Variants in STARD13 observed in about 807,000 individuals in gnomAD.
STARD13 encodes the protein StAR related lipid transfer domain containing 13.
Under a neutral mutation model 106.4 loss-of-function variants are expected in STARD13, and 62 were observed. The ratio of observed to expected loss-of-function variants is 0.58; its 90% CI spans 0.48 to 0.72. The LOEUF (loss-of-function observed/expected upper bound fraction) is 0.72. Ranked by LOEUF, STARD13 falls within the 30% of genes least tolerant of loss-of-function variation. The pLI, the probability that STARD13 is intolerant of heterozygous loss-of-function variation, is 0.00. For missense variants in STARD13, 1,387 were observed against 1,424.0 expected, an observed-to-expected ratio of 0.97 and a Z score of 0.42; for synonymous variants, 565 against 553.0, an observed-to-expected ratio of 1.02 and a Z score of -0.31.
chr13:33,355,279 C>T (rs1023904436), upstream of STARD13: 16 of 152,236 alleles, frequency 1.1e-4, no homozygotes, highest in African/African-American at 3.9e-4. Context: ...AATTCCATTA[C>T]ATTTTTATCC....
chr13:33,596,682 C>T, the STARD13 span, among the ~76,000 whole-genome samples: 1 of 152,172 alleles, frequency 6.6e-6, no homozygotes, highest in Non-Finnish European at 1.5e-5. Flanking sequence ...TAACCAACCT[C>T]TCTTCATTCC....
intron 1 of STARD13, among the ~76,000 whole-genome samples, chr13:33,322,310 GC>G (rs977907907): frequency 2.0e-5 from 3 of 152,156 alleles, no homozygotes; most frequent in South Asian, 2.1e-4. Context: ...ACTAACATGA[GC>G]CTTCCAAACA....
In STARD13 at chr13:33,113,720, A is replaced by C. The variant is rs1184555578; in HGVS notation, c.2282-789T>G. On this transcript the variant is annotated intron_variant, in intron 8 of 13. Transcript: ENST00000336934. ...GGGATGTCTGGCCCTTCTCAGTGCC[A>C]TTACCCTTGAGGGTGGTCCTTGTGG... Among the ~76,000 whole-genome samples the C allele has an allele frequency of 3.3e-5, 5 of 152,148 alleles. No homozygotes were observed. The South Asian group carries it at 1.0e-3, about 32-fold the overall frequency.
chr13:33,508,894 G>A, the STARD13 span, among the ~76,000 whole-genome samples: 1 of 152,114 alleles, frequency 6.6e-6, no homozygotes, highest in Non-Finnish European at 1.5e-5. Context: ...ATAGCCTATT[G>A]CTCCTAGGCT....
the STARD13 span, among the ~76,000 whole-genome samples, chr13:33,542,794 C>G: frequency 6.6e-6 from 1 of 152,248 alleles, no homozygotes; most frequent in Non-Finnish European, 1.5e-5. Context: ...CCCGTCTCCC[C>G]AGCGGCCCAG....
intron 1 of STARD13, among the ~76,000 whole-genome samples, chr13:33,208,165 C>T (rs1887522225): frequency 1.3e-5 from 2 of 152,162 alleles, no homozygotes; most frequent in Non-Finnish European, 2.9e-5. Flanking sequence ...CTCTCTGGCA[C>T]AGGTGGTCTG....
chr13:33,615,536 G>A, the STARD13 span, among the ~76,000 whole-genome samples: 3 of 152,180 alleles, frequency 2.0e-5, no homozygotes, highest in Non-Finnish European at 4.4e-5. Flanking sequence ...ATAGCACAGA[G>A]CTAAGACAGA....
intron 10 of STARD13, among the ~76,000 whole-genome samples, chr13:33,111,113 T>C (rs1874493803): frequency 6.6e-6 from 1 of 152,254 alleles, no homozygotes; most frequent in South Asian, 2.1e-4. Context: ...GAGGCTGTAT[T>C]TATTATTCAA....
intron 1 of STARD13, among the ~76,000 whole-genome samples, chr13:33,202,438 G>A (rs1887107197): frequency 6.6e-6 from 1 of 152,196 alleles, no homozygotes; most frequent in East Asian, 1.9e-4. Context: ...TGGAAAGACT[G>A]ACTTTCTCAT....
At chr13:33,510,897 T>G in the STARD13 span, among the ~76,000 whole-genome samples, 1 of 152,186 alleles carries the variant, frequency 6.6e-6, no homozygotes, top group African/African-American at 2.4e-5. Flanking sequence ...AGCCAAATAA[T>G]TGAAATTGAG....
intron 1 of STARD13, among the ~76,000 whole-genome samples, chr13:33,186,507 A>AAT: frequency 6.6e-6 from 1 of 152,304 alleles, no homozygotes; most frequent in East Asian, 1.9e-4. Context: ...AGTTGACTAA[A>AAT]AGCAGCAAAG....
the STARD13 span, among the ~76,000 whole-genome samples, chr13:33,420,941 C>T: frequency 3.3e-5 from 5 of 152,106 alleles, no homozygotes; most frequent in South Asian, 4.1e-4. Context: ...ATCTCTGGGA[C>T]ACATTTAAAG....
the STARD13 span, among the ~76,000 whole-genome samples, chr13:33,569,266 T>G: frequency 6.8e-6 from 1 of 147,974 alleles, no homozygotes; most frequent in African/African-American, 2.5e-5. Flanking sequence ...CATACCTTGT[T>G]GATAAAAATG....
intron 4 of STARD13, among the ~76,000 whole-genome samples, chr13:33,133,226 C>A (rs777029245): frequency 6.6e-6 from 1 of 151,040 alleles, no homozygotes; most frequent in Non-Finnish European, 1.5e-5. Context: ...GAACACATGC[C>A]AAGCTGGGCA....
rs563903974 is a variant in STARD13 at position 33,110,235 on chromosome 13, T to A, written c.2830-145A>T. 3.1e-4 allele frequency: 205 copies of A among 664,308 alleles called. 1 individual carries two copies. The South Asian group carries it at 3.1e-3, about 10-fold the overall frequency. The allele number at this position is 664,308 out of a possible 1,614,324, so 41.2% of individuals were successfully genotyped here. A position where few individuals can be genotyped will look rare whatever the true frequency, so the allele number is the denominator to read the frequency against. On this transcript the variant is annotated intron_variant, in intron 11 of 13. Coordinates refer to ENST00000336934, the MANE Select transcript of STARD13 (RefSeq NM_178006.4). ...TATGTAAATTGAGAGTGATACTACATACCTCAGCTGTAACATTTTAGTCCT... is the reference window on the plus strand; with the variant it reads ...TATGTAAATTGAGAGTGATACTACAAACCTCAGCTGTAACATTTTAGTCCT...
At chr13:33,524,947 A>T in the STARD13 span, among the ~76,000 whole-genome samples, 1 of 152,026 alleles carries the variant, frequency 6.6e-6, no homozygotes, top group South Asian at 2.1e-4. Flanking sequence ...ACATCTCCTG[A>T]ATTTATTCCT....
At chr13:33,658,708 C>T in the STARD13 span, among the ~76,000 whole-genome samples, 1 of 152,198 alleles carries the variant, frequency 6.6e-6, no homozygotes, top group Non-Finnish European at 1.5e-5. Flanking sequence ...TTAGAATCTT[C>T]AAAGTGATGT....
intron 1 of STARD13, among the ~76,000 whole-genome samples, chr13:33,322,637 A>C (rs1470658815): frequency 1.3e-5 from 2 of 152,260 alleles, no homozygotes; most frequent in Admixed American, 6.5e-5. Context: ...AAAAAGCTGC[A>C]GACGCATTAT....
At chr13:33,574,850 A>G in the STARD13 span, among the ~76,000 whole-genome samples, 1 of 151,858 alleles carries the variant, frequency 6.6e-6, no homozygotes, top group African/African-American at 2.4e-5. Context: ...AGACTTAAAT[A>G]GCATAATTTG....
Sources: gnomAD v4.1 joint callset for allele counts (sites outside exome capture counted in the v4.1 genomes callset) on GRCh38, gnomAD v4.1.1 for gene constraint, MANE v1.5 for transcripts, NCBI Gene and HGNC (gene_info 2026-07-23, HGNC 2026-07-21) for gene names.